Variants in TMBIM1 observed in about 807,000 individuals in gnomAD.
The protein encoded by TMBIM1 is transmembrane BAX inhibitor motif containing 1, also known as protein lifeguard 3.
TMBIM1 carries 34 observed loss-of-function variants against 45.1 expected under a neutral mutation model. That is an observed-to-expected ratio of 0.75 (90% CI 0.57 to 1.00). The LOEUF (loss-of-function observed/expected upper bound fraction) is 1.00, where lower values mean the gene tolerates loss of function less well. Among genes scored for constraint, TMBIM1 ranks in the 50% least tolerant of loss-of-function variants. TMBIM1 has a pLI of 0.00. For synonymous variants in TMBIM1, 157 were observed against 153.5 expected (o/e 1.02, Z -0.17); for missense variants, 374 against 402.4 (o/e 0.93, Z 0.60).
chr2:218,290,885 T>C (rs1692887832), intron 1 of TMBIM1, among the ~76,000 whole-genome samples: 1 of 152,230 alleles, frequency 6.6e-6, no homozygotes, highest in East Asian at 1.9e-4. Context: ...GCCCATGTCA[T>C]GATCAGACAT....
At position 218,280,089 on chromosome 2, in the gene TMBIM1, C is replaced by CA; in HGVS notation, c.239dup (p.Ser81GlufsTer2). 6.2e-7 allele frequency: 1 copy of CA among 1,614,170 alleles called. No individual in the cohort carries two copies. The highest frequency in any genetic ancestry group is 8.5e-7 in the Non-Finnish European group (1 of 1,179,990). On this transcript the variant is annotated frameshift_variant, in exon 3 of 12. Coordinates refer to ENST00000258412, the MANE Select transcript of TMBIM1 (RefSeq NM_022152.6). LOFTEE classifies it high-confidence loss of function. ...ACTCTCCAGGCCCGAAGCTATCACT[C>CA]ACTGCTCTCTCCTCCCCATCATAGC...
At chr2:218,277,770 C>T in intron 7 of TMBIM1, 100 bp from the exon 8 acceptor site, 1 of 1,554,750 alleles carries the variant, frequency 6.4e-7, no homozygotes, top group Non-Finnish European at 8.9e-7. Context: ...CTGGGGAACG[C>T]CACCAAGTTG....
At position 218,282,152 on chromosome 2, in the gene TMBIM1, G is replaced by A. The variant is rs373200784; in HGVS notation, c.-11C>T. The A allele has an allele frequency of 2.0e-5, 29 of 1,470,778 alleles. No homozygotes were observed. The highest frequency in any genetic ancestry group is 5.4e-5 in the Admixed American group (2 of 37,316). 91.1% of individuals were successfully genotyped at this position (1,470,778 alleles called of 1,614,324 possible). A position where few individuals can be genotyped will look rare whatever the true frequency, so the allele number is the denominator to read the frequency against. ...GCTGGGGTTGGACATGGCTGCTCAC[G>A]GGCTGAGGGGGAACCCCAGCTGCTG... On this transcript the variant is annotated 5_prime_UTR_variant, in exon 2 of 12. Transcript: ENST00000258412.
intron 1 of TMBIM1, among the ~76,000 whole-genome samples, chr2:218,282,966 G>A (rs996937391): frequency 2.0e-5 from 3 of 152,334 alleles, no homozygotes; most frequent in African/African-American, 7.2e-5. Flanking sequence ...CTAGGGAAGA[G>A]AGAGTGAGTG....
intron 5 of TMBIM1, 25 bp downstream of exon 5, chr2:218,279,013 C>G (rs755793228): frequency 6.2e-7 from 1 of 1,613,720 alleles, no homozygotes; most frequent in Non-Finnish European, 8.5e-7. Flanking sequence ...CCTCCCTGCC[C>G]AACCACAGAG....
At chr2:218,281,718 T>C (rs1692018157) in intron 2 of TMBIM1, among the ~76,000 whole-genome samples, 1 of 152,130 alleles carries the variant, frequency 6.6e-6, no homozygotes, top group South Asian at 2.1e-4. Context: ...ACATGCCTCA[T>C]GGATCTCCTT....
chr2:218,281,375 G>T (rs946402703), intron 2 of TMBIM1, among the ~76,000 whole-genome samples: 7 of 152,298 alleles, frequency 4.6e-5, no homozygotes, highest in African/African-American at 1.7e-4. Context: ...GACCTCAGGT[G>T]ATCTGCTCGC....
At chr2:218,289,386 A>T (rs1364567308) in intron 1 of TMBIM1, among the ~76,000 whole-genome samples, 1 of 152,170 alleles carries the variant, frequency 6.6e-6, no homozygotes, top group Non-Finnish European at 1.5e-5. Flanking sequence ...TCATGCCTGT[A>T]ATCCCAGCAC....
rs140017323 is a variant in TMBIM1 at position 218,275,748 on chromosome 2, T to C, written c.790-127A>G. On this transcript the variant is annotated intron_variant, in intron 11 of 11. Transcript: ENST00000258412. Reference sequence around the variant, plus strand: ...CTTAGGGCCACATTAACGCACAGCATAACATATGGGCTCTATACTGTAGCT... The same window carrying C: ...CTTAGGGCCACATTAACGCACAGCACAACATATGGGCTCTATACTGTAGCT... 364 of 1,178,210 alleles carry C rather than the reference T, an allele frequency of 3.1e-4. 1 individual carries two copies. In the East Asian group the frequency reaches 5.6e-3, roughly 18 times the overall value. 73.0% of individuals were successfully genotyped at this position (1,178,210 alleles called of 1,614,324 possible).
chr2:218,282,900 G>A (rs1692170596), intron 1 of TMBIM1, among the ~76,000 whole-genome samples: 1 of 152,218 alleles, frequency 6.6e-6, no homozygotes, highest in African/African-American at 2.4e-5. Context: ...AATAACAGCG[G>A]TGGCGTGTCA....
rs1038222374 is a variant in TMBIM1, at chr2:218,274,773, A to C, written c.*702T>G. The C allele has an allele frequency of 9.7e-5, 15 of 154,836 alleles. No individual in the cohort carries two copies. The highest frequency in any genetic ancestry group is 3.6e-4 in the African/African-American group (15 of 41,538). 9.6% of individuals were successfully genotyped at this position (154,836 alleles called of 1,614,324 possible). On this transcript the variant is annotated 3_prime_UTR_variant, in exon 12 of 12. Coordinates refer to ENST00000258412, the MANE Select transcript of TMBIM1 (RefSeq NM_022152.6). ...GGCCACATGTGGCCTGCTCTGTCTT[A>C]TAGCGTCACAAGCCAGGAGCAAGCC...
chr2:218,280,802 T>A (rs1691837605), intron 2 of TMBIM1: 1 of 149,228 alleles, frequency 6.7e-6, no homozygotes, highest in African/African-American at 2.6e-5. Flanking sequence ...TTCACCTCAT[T>A]TCCTTTTTTT....
intron 5 of TMBIM1, among the ~76,000 whole-genome samples, chr2:218,278,766 T>G (rs1691535217): frequency 6.6e-6 from 1 of 152,124 alleles, no homozygotes; most frequent in Admixed American, 6.5e-5. Flanking sequence ...GAAGGAGGTC[T>G]GGGGAGGCTG....
At chr2:218,292,019 C>T (rs1176959363) in intron 1 of TMBIM1, among the ~76,000 whole-genome samples, 1 of 151,896 alleles carries the variant, frequency 6.6e-6, no homozygotes, top group Non-Finnish European at 1.5e-5. Flanking sequence ...ACCTGGGGTC[C>T]GTGCCAGGCC....
chr2:218,283,701 C>A (rs533159998), intron 1 of TMBIM1, among the ~76,000 whole-genome samples: 1 of 152,300 alleles, frequency 6.6e-6, no homozygotes, highest in South Asian at 2.1e-4. Flanking sequence ...ACTGTCTTAT[C>A]TCTTCTCTTT....
intron 1 of TMBIM1, among the ~76,000 whole-genome samples, chr2:218,289,500 G>A (rs1056305201): frequency 1.3e-5 from 2 of 151,734 alleles, no homozygotes; most frequent in African/African-American, 4.8e-5. Flanking sequence ...AAATTAGCCG[G>A]GCATGGTGGC....
At position 218,282,252 on chromosome 2, in the gene TMBIM1, C is replaced by T. The variant is rs1012089986; in HGVS notation, c.-40-71G>A. 2.6e-5 allele frequency: 23 copies of T among 870,376 alleles called. No individual in the cohort carries two copies. The South Asian group carries it at 3.4e-4, about 13-fold the overall frequency. 53.9% of individuals were successfully genotyped at this position (870,376 alleles called of 1,614,324 possible). A position where few individuals can be genotyped will look rare whatever the true frequency, so the allele number is the denominator to read the frequency against. On this transcript the variant is annotated intron_variant, in intron 1 of 11. Coordinates refer to ENST00000258412, the MANE Select transcript of TMBIM1 (RefSeq NM_022152.6). ...CTCACTCAGCCTCATGGGCCCACTT[C>T]CAGCCTTGTCCAGGCTGCCTCCGTG...
Position 218,277,616 on chromosome 2 carries a change from T to G in TMBIM1, c.551+17A>C, listed in dbSNP as rs756835711. On this transcript the variant is annotated intron_variant, in intron 8 of 11. Coordinates refer to ENST00000258412, the MANE Select transcript of TMBIM1 (RefSeq NM_022152.6). ...AATACACATTTCCCAAGAGTGGTGC[T>G]TTATCCCTGAATGTACCTGGAAATG... The G allele has an allele frequency of 5.5e-5, 89 of 1,614,052 alleles. No homozygotes were observed. Among genetic ancestry groups the G allele is most frequent in the Non-Finnish European group, 7.1e-5 (84 of 1,180,030 alleles).
intron 1 of TMBIM1, among the ~76,000 whole-genome samples, chr2:218,287,687 G>T (rs536256843): frequency 6.6e-6 from 1 of 152,200 alleles, no homozygotes; most frequent in South Asian, 2.1e-4. Context: ...TCCAGCCTGG[G>T]CAACAAGAGT....
Sources: gnomAD v4.1 joint callset for allele counts (sites outside exome capture counted in the v4.1 genomes callset) on GRCh38, gnomAD v4.1.1 for gene constraint, MANE v1.5 for transcripts, NCBI Gene and HGNC (gene_info 2026-07-23, HGNC 2026-07-21) for gene names.